Variants in MAN2A2 observed in about 807,000 individuals in gnomAD.
MAN2A2 encodes the protein alpha-mannosidase 2x.
MAN2A2 carries 79 observed loss-of-function variants against 126.8 expected under a neutral mutation model. The observed-to-expected ratio is 0.62, with a 90% CI of 0.52 to 0.75. The LOEUF (loss-of-function observed/expected upper bound fraction) is 0.75, where lower values mean the gene tolerates loss of function less well. Among genes scored for constraint, MAN2A2 ranks in the 30% least tolerant of loss-of-function variants. The pLI is 0.00. For synonymous variants in MAN2A2, 671 were observed against 618.7 expected (o/e 1.08, Z -1.25); for missense variants, 1,392 against 1,522.4 (o/e 0.91, Z 1.43).
At chr15:90,911,116 G>A in intron 12 of MAN2A2, 55 bp from the exon 13 acceptor site, 1 of 1,585,014 alleles carries the variant, frequency 6.3e-7, no homozygotes, top group South Asian at 1.1e-5. Context: ...GACAGGTGGG[G>A]TGGGAGGAGG....
rs536908238 is a variant in MAN2A2, at chr15:90,905,553, G to A, written c.391-26G>A. 7 of 1,614,164 alleles carry A rather than the reference G, an allele frequency of 4.3e-6. No individual in the cohort carries two copies. The South Asian group carries it at 5.5e-5, about 13-fold the overall frequency. ...GGGACGTACAGTGGCCACGACTGGG[G>A]TACTGAGCTGCAGTTCACCTGGCAG... On this transcript the variant is annotated intron_variant, in intron 3 of 22. Coordinates refer to ENST00000559717, the MANE Select transcript of MAN2A2 (RefSeq NM_006122.4).
intron 17 of MAN2A2, 46 bp from the exon 18 acceptor site, chr15:90,913,227 T>C (rs1277797871): frequency 6.2e-7 from 1 of 1,604,134 alleles, no homozygotes; most frequent in South Asian, 1.1e-5. Flanking sequence ...TTAGCTGTGC[T>C]TCAGCCTCAC....
In MAN2A2 at chr15:90,919,627, C is replaced by T. The variant is rs758940795; in HGVS notation, c.3301-8C>T. Reference sequence around the variant, plus strand: ...AGCACAACCCTGCCCCTTCTCTGCTCTCCACAGGTAGCCCTGGGCAGCCTT... The same window carrying T: ...AGCACAACCCTGCCCCTTCTCTGCTTTCCACAGGTAGCCCTGGGCAGCCTT... On this transcript the variant is annotated splice_region_variant and splice_polypyrimidine_tract_variant and intron_variant, in intron 22 of 22. Transcript: ENST00000559717. The T allele has an allele frequency of 1.9e-6, 3 of 1,613,764 alleles. No individual in the cohort carries two copies. Among genetic ancestry groups the T allele is most frequent in the Non-Finnish European group, 2.5e-6 (3 of 1,179,870 alleles).
rs778371777 is a variant in MAN2A2 at position 90,919,711 on chromosome 15, T to C, written c.3377T>C (p.Leu1126Pro). 1.4e-5 allele frequency: 22 copies of C among 1,614,116 alleles called. 2 individuals are homozygous for C. The South Asian group carries it at 2.4e-4, about 18-fold the overall frequency. The change falls in exon 23 of 23, where the codon CTG becomes CCG. Residue 1126 changes from leucine (L) to proline (P), a missense_variant. Transcript: ENST00000559717. ...QPTSLTLLYP[L>P]ASPSNSTDVY... The stretch of plus-strand genomic sequence containing the variant: ...ACCTCCTTGACGTTACTGTACCCTC[T>C]GGCCTCCCCGTCCAACAGCACTGAC...
At position 90,903,400 on chromosome 15, in the gene MAN2A2, T is replaced by C. The variant is rs1474578508; in HGVS notation, c.-51T>C. 6.6e-6 allele frequency: 1 copy of C among 152,656 alleles called. No homozygotes were observed. The highest frequency in any genetic ancestry group is 1.5e-5 in the Non-Finnish European group (1 of 68,392). 9.5% of individuals were successfully genotyped at this position (152,656 alleles called of 1,614,324 possible). A position where few individuals can be genotyped will look rare whatever the true frequency, so the allele number is the denominator to read the frequency against. On this transcript the variant is annotated 5_prime_UTR_variant, in exon 1 of 23. Transcript: ENST00000559717. Reference sequence around the variant, plus strand: ...GAGCGCGGTCCCGCCCACGCTCGGCTCCGCAGTTAGCGTCCTCCTTCCTCC... The same window carrying C: ...GAGCGCGGTCCCGCCCACGCTCGGCCCCGCAGTTAGCGTCCTCCTTCCTCC...
chr15:90,910,169 G>A lies in MAN2A2; in HGVS notation c.1454G>A (p.Gly485Glu), dbSNP rs1348942996. 3.1e-6 allele frequency: 5 copies of A among 1,614,042 alleles called. No homozygotes were observed. Among genetic ancestry groups the A allele is most frequent in the Non-Finnish European group, 4.2e-6 (5 of 1,180,038 alleles). ...GTGGAGCCAGGGGCCCGGCCTCCAG[G>A]GTTTCCTGTGCTGAGCGGGGATTTC... is the stretch of plus-strand genomic sequence containing the variant. ...TGVEPGARPP[G>E]FPVLSGDFFS... The change falls in exon 10 of 23, where the codon GGG (glycine) becomes GAG (glutamate). Residue 485 changes from glycine (G) to glutamate (E), a missense_variant. Physicochemically the swap from Gly to Glu is moderately conservative, Grantham distance 98 (BLOSUM62 -2). Coordinates refer to ENST00000559717, the MANE Select transcript of MAN2A2 (RefSeq NM_006122.4).
At chr15:90,916,660 G>A in intron 20 of MAN2A2, 1 of 1,294,152 alleles carries the variant, frequency 7.7e-7, no homozygotes, top group Middle Eastern at 2.1e-4. Context: ...GTAACCGAGA[G>A]GTAAGGGTCG....
At chr15:90,913,821 G>C (rs1320939460) in intron 19 of MAN2A2, 66 bp downstream of exon 19, 5 of 1,505,382 alleles carry the variant, frequency 3.3e-6, no homozygotes, top group African/African-American at 2.8e-5. Flanking sequence ...CACCCTCAAG[G>C]GCTCCCCGCT....
In MAN2A2 at chr15:90,906,914, G is replaced by A; in HGVS notation, c.1009+1G>A. On this transcript the variant is annotated splice_donor_variant, in intron 7 of 22. Coordinates refer to ENST00000559717, the MANE Select transcript of MAN2A2 (RefSeq NM_006122.4). LOFTEE classifies it high-confidence loss of function. ...GAGTTCATGTGGAGGCAGACATGGGGTAAGGCCGGGTAGGGTAGAGGGGGT... is the reference window on the plus strand; with the variant it reads ...GAGTTCATGTGGAGGCAGACATGGGATAAGGCCGGGTAGGGTAGAGGGGGT... 1 of 1,613,726 alleles carries A rather than the reference G, an allele frequency of 6.2e-7. No homozygotes were observed. Among genetic ancestry groups the A allele is most frequent in the Non-Finnish European group, 8.5e-7 (1 of 1,179,986 alleles).
intron 19 of MAN2A2, 67 bp downstream of exon 19, chr15:90,913,822 G>T: frequency 6.7e-7 from 1 of 1,495,658 alleles, no homozygotes; most frequent in Non-Finnish European, 8.9e-7. Flanking sequence ...ACCCTCAAGG[G>T]CTCCCCGCTC....
Position 90,918,311 on chromosome 15 carries a change from C to A in MAN2A2, c.3112C>A (p.Leu1038Met). The A allele has an allele frequency of 6.2e-7, 1 of 1,614,208 alleles. No individual in the cohort carries two copies. The change falls in exon 21 of 23, where the codon CTG (leucine) becomes ATG (methionine). Residue 1038 changes from leucine (L) to methionine (M), a missense_variant. By Grantham distance (15) the Leu-to-Met change is conservative (BLOSUM62 2). Coordinates refer to ENST00000559717, the MANE Select transcript of MAN2A2 (RefSeq NM_006122.4). ...VARMQLPGPG[L>M]RSFHPLASSL... The stretch of plus-strand genomic sequence containing the variant: ...CAGGATGCAGCTCCCAGGCCCTGGT[C>A]TGCGCTCATTTCATCCTCTGGCTTC...
In MAN2A2 at chr15:90,910,161, G is replaced by T. The variant is rs761279964; in HGVS notation, c.1446G>T (p.Arg482=). Residue 482 remains arginine, a synonymous_variant, in exon 10 of 23, where the codon CGG becomes CGT. Transcript: ENST00000559717. The stretch of plus-strand genomic sequence containing the variant: ...GGACAGGGGTGGAGCCAGGGGCCCG[G>T]CCTCCAGGGTTTCCTGTGCTGAGCG... ...YKRTGVEPGA[R]PPGFPVLSGD... 6.2e-7 allele frequency: 1 copy of T among 1,614,162 alleles called. No individual in the cohort carries two copies. The highest frequency in any genetic ancestry group is 8.5e-7 in the Non-Finnish European group (1 of 1,180,036).
In MAN2A2 at chr15:90,904,017, A is replaced by T. The variant is rs577856950; in HGVS notation, c.-18-173A>T. The stretch of plus-strand genomic sequence containing the variant: ...AGCGTCCTCTCCACCCTAGCGGCAG[A>T]GCTGCTACCAGGACCAGGTGGGCCA... On this transcript the variant is annotated intron_variant, in intron 1 of 22. Transcript: ENST00000559717. 1.6e-5 allele frequency: 11 copies of T among 703,516 alleles called. No homozygotes were observed. The Admixed American group carries it at 1.8e-4, about 12-fold the overall frequency. 43.6% of individuals were successfully genotyped at this position (703,516 alleles called of 1,614,324 possible).
At chr15:90,907,704 T>C (rs761812876) in intron 8 of MAN2A2, among the ~76,000 whole-genome samples, 1 of 152,238 alleles carries the variant, frequency 6.6e-6, no homozygotes, top group Non-Finnish European at 1.5e-5. Flanking sequence ...GAGTACTTCT[T>C]GATGCCCTAA....
intron 7 of MAN2A2, 136 bp from the exon 8 acceptor site, chr15:90,907,173 T>C (rs1240674586): frequency 4.2e-6 from 4 of 948,010 alleles, no homozygotes; most frequent in Non-Finnish European, 6.4e-6. Context: ...CTCCCTGGCC[T>C]ACACACTCTC....
At chr15:90,912,808 C>A in intron 16 of MAN2A2, 69 bp from the exon 17 acceptor site, 1 of 1,552,596 alleles carries the variant, frequency 6.4e-7, no homozygotes, top group Non-Finnish European at 8.8e-7. Flanking sequence ...TCTTGCCCAG[C>A]CCTGGGCTGG....
In MAN2A2 at chr15:90,914,826, C is replaced by T. The variant is rs754470495; in HGVS notation, c.2860+1071C>T. 1.2e-3 allele frequency among the ~76,000 whole-genome samples: 179 copies of T among 152,280 alleles called. 3 individuals are homozygous for T. Among genetic ancestry groups the T allele is most frequent in the Non-Finnish European group, 2.5e-4 (17 of 68,010 alleles). On this transcript the variant is annotated intron_variant, in intron 19 of 22. Transcript: ENST00000559717. ...AGCCAACACGCCCGGCCAAGACTGA[C>T]GTTCTTAAGAATCAAGACGGGCATG...
At chr15:90,908,285 G>A (rs1224947399) in intron 8 of MAN2A2, among the ~76,000 whole-genome samples, 1 of 152,200 alleles carries the variant, frequency 6.6e-6, no homozygotes, top group African/African-American at 2.4e-5. Context: ...AGACTGATAA[G>A]TTAGGGGAAA....
chr15:90,909,374 G>A lies in MAN2A2; in HGVS notation c.1244G>A (p.Arg415Gln), dbSNP rs139423177. ...TACCGGAAGAAGTCCCAGCTGTTCC[G>A]AAGCAACGTCCTCCTGGTGCCTCTT... is the stretch of plus-strand genomic sequence containing the variant. Reference protein sequence around the residue: ...DQYRKKSQLFRSNVLLVPLGD... With the variant: ...DQYRKKSQLFQSNVLLVPLGD... The change falls in exon 9 of 23, where the codon CGA becomes CAA. Residue 415 changes from arginine (R) to glutamine (Q), a missense_variant. Coordinates refer to ENST00000559717, the MANE Select transcript of MAN2A2 (RefSeq NM_006122.4). 1.7e-4 allele frequency: 270 copies of A among 1,613,984 alleles called. No individual in the cohort carries two copies. The highest frequency in any genetic ancestry group is 2.7e-4 in the South Asian group (25 of 91,080).
Sources: allele counts gnomAD v4.1 joint callset (sites outside exome capture counted in the v4.1 genomes callset), GRCh38; gene constraint gnomAD v4.1.1; transcripts MANE v1.5; gene names NCBI Gene and HGNC (gene_info 2026-07-23, HGNC 2026-07-21).